WDR70: variants seen among roughly 807,000 people sequenced by gnomAD.
The protein encoded by WDR70 is WD repeat-containing protein 70.
WDR70 carries 53 observed loss-of-function variants against 88.6 expected under a neutral mutation model. The ratio of observed to expected loss-of-function variants is 0.60; its 90% CI spans 0.48 to 0.75. The LOEUF (loss-of-function observed/expected upper bound fraction) is 0.75, where lower values mean the gene tolerates loss of function less well. WDR70 is among the 30% of genes least tolerant of loss of function. The pLI is 0.00. For missense variants in WDR70, 610 were observed against 823.2 expected, an observed-to-expected ratio of 0.74 and a Z score of 3.17; for synonymous variants, 280 against 270.0, an observed-to-expected ratio of 1.04 and a Z score of -0.36.
chr5:37,494,412 G>A (rs1035478250), intron 8 of WDR70, among the ~76,000 whole-genome samples: 6 of 152,160 alleles, frequency 3.9e-5, no homozygotes, highest in African/African-American at 1.2e-4. Flanking sequence ...CTATTATTGA[G>A]TCTTATTCAG....
chr5:37,563,262 G>A (rs1157023866), intron 9 of WDR70, among the ~76,000 whole-genome samples: 1 of 64,110 alleles, frequency 1.6e-5, no homozygotes, highest in Middle Eastern at 8.1e-3. Context: ...AGGCAGAGGC[G>A]CCCCTCACTT....
intron 17 of WDR70, among the ~76,000 whole-genome samples, chr5:37,749,842 C>A (rs28715272): frequency 1.1e-3 from 84 of 78,586 alleles, no homozygotes; most frequent in African/African-American, 2.4e-3. Flanking sequence ...AAAAAAAAAC[C>A]AAAAACGCAG....
At chr5:37,401,127 T>C in intron 5 of WDR70, among the ~76,000 whole-genome samples, 1 of 149,206 alleles carries the variant, frequency 6.7e-6, no homozygotes, top group East Asian at 2.0e-4. Flanking sequence ...GCCTCCCGAG[T>C]AGCTGGGATT....
At chr5:37,447,547 T>A (rs952485321) in intron 7 of WDR70, among the ~76,000 whole-genome samples, 4 of 152,188 alleles carry the variant, frequency 2.6e-5, no homozygotes, top group Non-Finnish European at 4.4e-5. Flanking sequence ...CAAATGTCCA[T>A]CAATGATAGA....
intron 4 of WDR70, among the ~76,000 whole-genome samples, chr5:37,394,446 T>C (rs1748947134): frequency 6.6e-6 from 1 of 152,228 alleles, no homozygotes; most frequent in Admixed American, 6.5e-5. Flanking sequence ...CACAGTGTTT[T>C]AGGCACTGAG....
intron 9 of WDR70, among the ~76,000 whole-genome samples, chr5:37,586,579 G>A (rs1019785881): frequency 1.3e-5 from 2 of 151,900 alleles, no homozygotes; most frequent in Non-Finnish European, 2.9e-5. Context: ...CCACCGGCAG[G>A]CCCCAAGTGT....
At chr5:37,470,138 A>AG (rs942990160) in intron 7 of WDR70, among the ~76,000 whole-genome samples, 5 of 113,658 alleles carry the variant, frequency 4.4e-5, no homozygotes, top group Middle Eastern at 8.7e-3. Flanking sequence ...AACAAAAACA[A>AG]AAAAAAACGC....
At chr5:37,398,923 C>T (rs1749111351) in intron 5 of WDR70, among the ~76,000 whole-genome samples, 1 of 152,166 alleles carries the variant, frequency 6.6e-6, no homozygotes, top group Admixed American at 6.5e-5. Context: ...GTGCTGATCA[C>T]TTGAGGTCAG....
intron 10 of WDR70, among the ~76,000 whole-genome samples, chr5:37,668,956 T>C: frequency 6.6e-6 from 1 of 152,210 alleles, no homozygotes; most frequent in Non-Finnish European, 1.5e-5. Context: ...GATTCCACCC[T>C]GGTTGTAAAT....
intron 7 of WDR70, among the ~76,000 whole-genome samples, chr5:37,460,941 C>T (rs534613478): frequency 3.3e-5 from 5 of 151,548 alleles, no homozygotes; most frequent in African/African-American, 4.8e-5. Flanking sequence ...TTTTGACTTG[C>T]GTTTCATCTT....
intron 10 of WDR70, among the ~76,000 whole-genome samples, chr5:37,616,373 G>T (rs1395736860): frequency 6.6e-6 from 1 of 152,062 alleles, no homozygotes; most frequent in African/African-American, 2.4e-5. Flanking sequence ...TTCCCAAAGC[G>T]CTGGGATTAC....
chr5:37,681,632 A>C (rs1746439491), intron 10 of WDR70, among the ~76,000 whole-genome samples: 1 of 152,136 alleles, frequency 6.6e-6, no homozygotes, highest in African/African-American at 2.4e-5. Context: ...AGAGTTTTTA[A>C]CATGAAGGGA....
At chr5:37,635,998 A>G (rs956610734) in intron 10 of WDR70, among the ~76,000 whole-genome samples, 2 of 152,144 alleles carry the variant, frequency 1.3e-5, no homozygotes, top group South Asian at 2.1e-4. Context: ...TCCTTCTGCC[A>G]TGATTGTAAA....
chr5:37,514,356 A>ATATATATATATATGTATG (rs771375976), intron 8 of WDR70, among the ~76,000 whole-genome samples: 1 of 54,380 alleles, frequency 1.8e-5, no homozygotes, highest in East Asian at 5.3e-4. Flanking sequence ...ATATATATAT[A>ATATATATATATATGTATG]TATGTATGTA....
At chr5:37,709,166 AC>A (rs1475430175) in intron 13 of WDR70, among the ~76,000 whole-genome samples, 2 of 151,994 alleles carry the variant, frequency 1.3e-5, no homozygotes, top group African/African-American at 4.8e-5. Context: ...ATATAGTGAA[AC>A]CTCCTTAATG....
intron 10 of WDR70, among the ~76,000 whole-genome samples, chr5:37,661,480 A>G (rs528986646): frequency 6.6e-6 from 1 of 152,234 alleles, no homozygotes; most frequent in Non-Finnish European, 1.5e-5. Flanking sequence ...GACAGAGCCA[A>G]TTTATCAAGA....
chr5:37,509,688 C>A (rs991505210), intron 8 of WDR70, among the ~76,000 whole-genome samples: 2 of 151,966 alleles, frequency 1.3e-5, no homozygotes, highest in Non-Finnish European at 2.9e-5. Flanking sequence ...CACTGTCGAT[C>A]TTCGCATGAC....
At chr5:37,679,798 A>G (rs1746367140) in intron 10 of WDR70, among the ~76,000 whole-genome samples, 1 of 152,034 alleles carries the variant, frequency 6.6e-6, no homozygotes, top group African/African-American at 2.4e-5. Flanking sequence ...TGCAGAGCTT[A>G]CTCCTGTCTT....
At chr5:37,683,709 C>T (rs1184292559) in intron 10 of WDR70, among the ~76,000 whole-genome samples, 1 of 152,142 alleles carries the variant, frequency 6.6e-6, no homozygotes, top group African/African-American at 2.4e-5. Flanking sequence ...CTGAGAGGTC[C>T]ACTCTTAGTT....
Sources: gnomAD v4.1 joint callset for allele counts (sites outside exome capture counted in the v4.1 genomes callset) on GRCh38, gnomAD v4.1.1 for gene constraint, MANE v1.5 for transcripts, NCBI Gene and HGNC (gene_info 2026-07-23, HGNC 2026-07-21) for gene names.